Variants in ITGBL1 observed in about 807,000 individuals in gnomAD.
ITGBL1 encodes the protein integrin beta-like protein 1.
ITGBL1 carries 51 observed loss-of-function variants against 68.5 expected under a neutral mutation model. The ratio of observed to expected loss-of-function variants is 0.74; its 90% confidence interval spans 0.59 to 0.94. ITGBL1 has a LOEUF of 0.94. Ranked by LOEUF, ITGBL1 falls within the 40% of genes least tolerant of loss-of-function variation. The pLI is 0.00. For missense variants in ITGBL1, 649 were observed against 647.4 expected (o/e 1.00, Z -0.03); for synonymous variants, 209 against 227.3 (o/e 0.92, Z 0.72).
At chr13:101,692,847 C>T in intron 8 of ITGBL1, 146 bp downstream of exon 8, 1 of 664,666 alleles carries the variant, frequency 1.5e-6, no homozygotes, top group Non-Finnish European at 2.7e-6. Context: ...AAGCAATATA[C>T]AATTAGGTTT....
At chr13:101,673,695 T>A (rs2033431309) in intron 7 of ITGBL1, among the ~76,000 whole-genome samples, 2 of 152,200 alleles carry the variant, frequency 1.3e-5, no homozygotes, top group South Asian at 4.1e-4. Context: ...CTTTATAAAC[T>A]TTGTACTTAT....
chr13:101,640,798 C>T lies in ITGBL1; in HGVS notation c.1015+42499C>T, dbSNP rs534580373. ...CCTCCCTCTCTCCCTTTCTAGTAGT[C>T]CCCACTGTCTATTGTTCCCATTTTT... On this transcript the variant is annotated intron_variant, in intron 7 of 10. Coordinates refer to ENST00000376180, the MANE Select transcript of ITGBL1 (RefSeq NM_004791.3). 5.0e-4 allele frequency among the ~76,000 whole-genome samples: 76 copies of T among 152,128 alleles called. No individual in the cohort carries two copies. In the South Asian group the frequency reaches 0.015, roughly 29 times the overall value.
chr13:101,649,487 A>G (rs997083322), intron 7 of ITGBL1, among the ~76,000 whole-genome samples: 2 of 152,212 alleles, frequency 1.3e-5, no homozygotes, highest in African/African-American at 4.8e-5. Flanking sequence ...TGTGAATAGC[A>G]GAGCTACATT....
At chr13:101,617,685 C>T (rs561567953) in intron 7 of ITGBL1, among the ~76,000 whole-genome samples, 16 of 152,274 alleles carry the variant, frequency 1.1e-4, no homozygotes, top group Non-Finnish European at 1.8e-4. Context: ...GCATTTCCTA[C>T]ATGACTCTAA....
At chr13:101,533,907 A>T (rs1267092405) in intron 2 of ITGBL1, among the ~76,000 whole-genome samples, 1 of 152,208 alleles carries the variant, frequency 6.6e-6, no homozygotes, top group African/African-American at 2.4e-5. Context: ...AATAATGTTA[A>T]ATTAGTAAAG....
At chr13:101,455,592 A>G (rs1244518576) in intron 2 of ITGBL1, among the ~76,000 whole-genome samples, 1 of 152,198 alleles carries the variant, frequency 6.6e-6, no homozygotes, top group African/African-American at 2.4e-5. Context: ...TGAACCTGGG[A>G]GGCAGAGGTT....
downstream of ITGBL1, chr13:101,717,056 C>T (rs1035099147): frequency 1.3e-5 from 2 of 151,328 alleles, no homozygotes; most frequent in African/African-American, 4.9e-5. Flanking sequence ...TTGTAAAATC[C>T]TAGAATAATG....
chr13:101,667,481 A>G (rs534795711), intron 7 of ITGBL1, among the ~76,000 whole-genome samples: 160 of 103,160 alleles, frequency 1.6e-3, no homozygotes, highest in African/African-American at 2.7e-3. Flanking sequence ...TAACACTGAG[A>G]AAAAAAAAAA....
intron 7 of ITGBL1, among the ~76,000 whole-genome samples, chr13:101,662,599 T>C (rs187941140): frequency 1.3e-5 from 2 of 152,264 alleles, no homozygotes; most frequent in African/African-American, 2.4e-5. Flanking sequence ...TTTACTGTAA[T>C]TGGAAGCATA....
At chr13:101,498,413 T>C (rs969003548) in intron 2 of ITGBL1, among the ~76,000 whole-genome samples, 1 of 152,236 alleles carries the variant, frequency 6.6e-6, no homozygotes, top group African/African-American at 2.4e-5. Flanking sequence ...TAATCATAAA[T>C]ACATATACAC....
At chr13:101,612,420 T>A (rs148580165) in intron 7 of ITGBL1, among the ~76,000 whole-genome samples, 8 of 152,264 alleles carry the variant, frequency 5.3e-5, no homozygotes, top group African/African-American at 9.6e-5. Flanking sequence ...TAAGAAAATA[T>A]GGAGTATGTA....
At chr13:101,655,484 C>G (rs752708238) in intron 7 of ITGBL1, among the ~76,000 whole-genome samples, 3 of 152,168 alleles carry the variant, frequency 2.0e-5, no homozygotes, top group African/African-American at 4.8e-5. Flanking sequence ...ATTGATAACA[C>G]AGGGGAACCA....
At position 101,716,272 on chromosome 13, in the gene ITGBL1, G is replaced by GT. The variant is rs2139627494; in HGVS notation, c.*619dup. The stretch of plus-strand genomic sequence containing the variant: ...AGCACACAGGAGGTAGAATATCAGA[G>GT]TGGGGCTGGATCAAGGGCAAAAACT... On this transcript the variant is annotated 3_prime_UTR_variant, in exon 11 of 11. Transcript: ENST00000376180. 6.6e-6 allele frequency: 1 copy of GT among 152,298 alleles called. No individual in the cohort carries two copies. The highest frequency in any genetic ancestry group is 1.5e-5 in the Non-Finnish European group (1 of 68,036). 9.4% of individuals were successfully genotyped at this position (152,298 alleles called of 1,614,324 possible). A position where few individuals can be genotyped will look rare whatever the true frequency, so the allele number is the denominator to read the frequency against.
intron 2 of ITGBL1, among the ~76,000 whole-genome samples, chr13:101,556,811 A>C (rs1240578352): frequency 1.3e-5 from 2 of 152,212 alleles, no homozygotes; most frequent in African/African-American, 2.4e-5. Context: ...TCAGAGTCTC[A>C]AGAGACCCTG....
At chr13:101,687,698 T>C (rs2033786885) in intron 7 of ITGBL1, among the ~76,000 whole-genome samples, 1 of 152,152 alleles carries the variant, frequency 6.6e-6, no homozygotes, top group African/African-American at 2.4e-5. Context: ...AAAGATTATC[T>C]ACTTTATTAA....
intron 7 of ITGBL1, among the ~76,000 whole-genome samples, chr13:101,671,277 A>C (rs1200901290): frequency 6.6e-6 from 1 of 152,158 alleles, no homozygotes; most frequent in Non-Finnish European, 1.5e-5. Flanking sequence ...TAATTACATG[A>C]AGTGAAATAA....
intron 2 of ITGBL1, among the ~76,000 whole-genome samples, chr13:101,544,297 T>C (rs909327490): frequency 6.6e-5 from 10 of 152,230 alleles, no homozygotes; most frequent in Non-Finnish European, 1.2e-4. Flanking sequence ...TGCAGGTCTG[T>C]TGGAGTTTGC....
At chr13:101,586,765 A>T (rs2139297938) in intron 6 of ITGBL1, among the ~76,000 whole-genome samples, 1 of 152,314 alleles carries the variant, frequency 6.6e-6, no homozygotes, top group East Asian at 1.9e-4. Flanking sequence ...TTCTCTGAAC[A>T]TCATTACAAT....
intron 2 of ITGBL1, among the ~76,000 whole-genome samples, chr13:101,531,133 A>G (rs1279659132): frequency 3.3e-5 from 5 of 152,186 alleles, no homozygotes; most frequent in African/African-American, 1.2e-4. Flanking sequence ...AAATGTGTGT[A>G]CTATATATTT....
Sources: allele counts gnomAD v4.1 joint callset (sites outside exome capture counted in the v4.1 genomes callset), GRCh38; gene constraint gnomAD v4.1.1; transcripts MANE v1.5; gene names NCBI Gene and HGNC (gene_info 2026-07-23, HGNC 2026-07-21).